Variants in PDSS2 observed in about 807,000 individuals in gnomAD.
PDSS2 encodes decaprenyl diphosphate synthase subunit 2.
A neutral mutation model predicts 44.5 loss-of-function variants in PDSS2; 31 were observed. The observed-to-expected ratio is 0.70, with a 90% CI of 0.52 to 0.94. The LOEUF is 0.94. Ranked by LOEUF, PDSS2 falls within the 40% of genes least tolerant of loss-of-function variation. The pLI, the probability that PDSS2 is intolerant of heterozygous loss-of-function variation, is 0.00. For missense variants in PDSS2, 452 were observed against 482.2 expected (o/e 0.94, Z 0.59); for synonymous variants, 157 against 180.3 (o/e 0.87, Z 1.03).
chr6:107,233,986 G>C (rs143987239), intron 4 of PDSS2, among the ~76,000 whole-genome samples: 1 of 152,212 alleles, frequency 6.6e-6, no homozygotes, highest in Non-Finnish European at 1.5e-5. Context: ...GGGCAACATA[G>C]GGAGATTCTG....
At chr6:107,160,520 A>AT (rs36012114) in intron 7 of PDSS2, among the ~76,000 whole-genome samples, 56 of 149,334 alleles carry the variant, frequency 3.7e-4, no homozygotes, top group African/African-American at 8.1e-4. Flanking sequence ...GCTAATTTAA[A>AT]TTTTTTTTTT....
intron 1 of PDSS2, among the ~76,000 whole-genome samples, chr6:107,442,237 TA>T (rs1006526112): frequency 2.0e-4 from 31 of 152,042 alleles, no homozygotes; most frequent in African/African-American, 7.2e-4. Flanking sequence ...ACCAACATGG[TA>T]AAACCCTATC....
intron 2 of PDSS2, among the ~76,000 whole-genome samples, chr6:107,289,469 G>A (rs1359374861): frequency 6.6e-6 from 1 of 152,000 alleles, no homozygotes; most frequent in Non-Finnish European, 1.5e-5. Context: ...GGAGGACAAG[G>A]TGGGTGGATT....
rs776970659 is a variant in PDSS2, at chr6:107,245,612, T to C, written c.638A>G (p.Glu213Gly). Reference sequence around the variant, plus strand: ...GTCCATAAGAGCACTTGCTAAAAGTTCCACAACCTAAAAAGCAAGAAGAAA... The same window carrying C: ...GTCCATAAGAGCACTTGCTAAAAGTCCCACAACCTAAAAAGCAAGAAGAAA... Reference protein sequence around the residue: ...LALLQNTKVVELLASALMDLV... With the variant: ...LALLQNTKVVGLLASALMDLV... The change falls in exon 4 of 8, where the codon GAA becomes GGA. Residue 213 changes from glutamate to glycine, a missense_variant. Physicochemically the swap from Glu to Gly is moderately conservative, Grantham distance 98. Transcript: ENST00000369037. The C allele has an allele frequency of 6.3e-7, 1 of 1,580,130 alleles. No homozygotes were observed. Among genetic ancestry groups the C allele is most frequent in the Non-Finnish European group, 8.7e-7 (1 of 1,155,082 alleles).
At chr6:107,335,088 G>A (rs1777842505) in intron 1 of PDSS2, among the ~76,000 whole-genome samples, 1 of 151,514 alleles carries the variant, frequency 6.6e-6, no homozygotes, top group South Asian at 2.1e-4. Context: ...GGGTTGGGGG[G>A]GTGCTGAGGC....
chr6:107,449,751 T>C (rs1290241159), intron 1 of PDSS2, among the ~76,000 whole-genome samples: 1 of 152,162 alleles, frequency 6.6e-6, no homozygotes, highest in Non-Finnish European at 1.5e-5. Context: ...TTTATTTTTT[T>C]ATAGAGATGG....
intron 7 of PDSS2, among the ~76,000 whole-genome samples, chr6:107,191,877 G>T (rs1772393637): frequency 6.6e-6 from 1 of 152,140 alleles, no homozygotes; most frequent in South Asian, 2.1e-4. Flanking sequence ...CTCTCAAAAT[G>T]CTGGGATTAG....
intron 2 of PDSS2, among the ~76,000 whole-genome samples, chr6:107,303,609 C>T (rs1268669289): frequency 6.6e-6 from 1 of 152,174 alleles, no homozygotes; most frequent in East Asian, 1.9e-4. Flanking sequence ...GCTTTATTCA[C>T]TTAGTTTGAA....
intron 6 of PDSS2, among the ~76,000 whole-genome samples, chr6:107,197,480 C>CAA (rs1211356401): frequency 0.017 from 1,382 of 82,112 alleles, 29 homozygotes; most frequent in African/African-American, 0.053. Flanking sequence ...ACCCCCATCT[C>CAA]AAAAAAAAAA....
intron 4 of PDSS2, among the ~76,000 whole-genome samples, chr6:107,224,422 T>A (rs1444360799): frequency 6.6e-6 from 1 of 151,432 alleles, no homozygotes; most frequent in Non-Finnish European, 1.5e-5. Context: ...TTCCTCTAGA[T>A]GTTGCCCTGT....
chr6:107,177,119 C>T (rs1293593841), intron 7 of PDSS2, among the ~76,000 whole-genome samples: 15 of 145,336 alleles, frequency 1.0e-4, no homozygotes, highest in African/African-American at 1.5e-4. Context: ...TGCTGAAACA[C>T]GTAATGTAAT....
At chr6:107,343,952 T>A (rs1427744113) in intron 1 of PDSS2, among the ~76,000 whole-genome samples, 1 of 152,204 alleles carries the variant, frequency 6.6e-6, no homozygotes, top group Non-Finnish European at 1.5e-5. Context: ...AGAGCACAGA[T>A]ATCTTTTTAA....
At chr6:107,336,188 G>A (rs1777886405) in intron 1 of PDSS2, among the ~76,000 whole-genome samples, 2 of 150,676 alleles carry the variant, frequency 1.3e-5, no homozygotes, top group Non-Finnish European at 2.9e-5. Flanking sequence ...CCAGGAGGTA[G>A]AGGTTGCAGT....
At chr6:107,156,356 G>A (rs575380391) in intron 7 of PDSS2, among the ~76,000 whole-genome samples, 2 of 152,002 alleles carry the variant, frequency 1.3e-5, no homozygotes, top group African/African-American at 4.8e-5. Flanking sequence ...CACCATGCCC[G>A]GCTAATTTTT....
chr6:107,332,278 A>G (rs914225400), intron 2 of PDSS2, among the ~76,000 whole-genome samples: 5 of 151,744 alleles, frequency 3.3e-5, no homozygotes, highest in African/African-American at 9.7e-5. Context: ...CTAATTTTTT[A>G]TATTTTTTGT....
intron 1 of PDSS2, among the ~76,000 whole-genome samples, chr6:107,359,007 C>CTTTTTTTTTT (rs59632305): frequency 7.5e-5 from 7 of 93,056 alleles, no homozygotes; most frequent in East Asian, 7.1e-4. Flanking sequence ...CATTCTCGCT[C>CTTTTTTTTTT]TTTTTTTTTT....
At chr6:107,259,201 A>T (rs1304171905) in intron 3 of PDSS2, among the ~76,000 whole-genome samples, 1 of 152,218 alleles carries the variant, frequency 6.6e-6, no homozygotes, top group African/African-American at 2.4e-5. Context: ...TAATGATTAA[A>T]TTTTCTACAA....
At chr6:107,273,328 G>GA (rs559462519) in intron 3 of PDSS2, among the ~76,000 whole-genome samples, 52 of 145,072 alleles carry the variant, frequency 3.6e-4, no homozygotes, top group East Asian at 8.0e-4. Context: ...ATAACAAAAG[G>GA]AAAAAAAAAA....
In PDSS2 at chr6:107,199,126, G is replaced by GT. The variant is rs537912858; in HGVS notation, c.1009-5273dup. The stretch of plus-strand genomic sequence containing the variant: ...GATAGTTAATTTGGGAGAAGCGATA[G>GT]TTTCTATTACACCTCTTGGTTGCTC... On this transcript the variant is annotated intron_variant, in intron 6 of 7. Transcript: ENST00000369037. Among the ~76,000 whole-genome samples, 284 of 152,282 alleles carry GT rather than the reference G, an allele frequency of 1.9e-3. 1 individual carries two copies. Among genetic ancestry groups the GT allele is most frequent in the South Asian group, 0.014 (66 of 4,826 alleles).
Sources: allele counts gnomAD v4.1 joint callset (sites outside exome capture counted in the v4.1 genomes callset), GRCh38; gene constraint gnomAD v4.1.1; transcripts MANE v1.5; gene names NCBI Gene and HGNC (gene_info 2026-07-23, HGNC 2026-07-21).